Variants in TAF5 observed in about 807,000 individuals in gnomAD.
TAF5 encodes the protein TATA-box binding protein associated factor 5.
In TAF5, 20 loss-of-function variants were observed where a neutral mutation model predicts 80.9. That is an observed-to-expected ratio of 0.25 (90% CI 0.17 to 0.36). The LOEUF (loss-of-function observed/expected upper bound fraction) is 0.36, where lower values mean the gene tolerates loss of function less well. TAF5 is among the 10% of genes least tolerant of loss of function. The pLI is 1.00. For synonymous variants in TAF5, 388 were observed against 406.4 expected (o/e 0.95, Z 0.55); for missense variants, 863 against 1,029.4 (o/e 0.84, Z 2.21).
chr10:103,382,567 A>G (rs941448330), intron 6 of TAF5, among the ~76,000 whole-genome samples: 11 of 151,998 alleles, frequency 7.2e-5, no homozygotes, highest in African/African-American at 2.2e-4. Flanking sequence ...CCGGCCTGAA[A>G]TAAAGTTTTT....
Position 103,385,310 on chromosome 10 carries a change from C to CCT in TAF5, c.1665-15_1665-14dup. The CCT allele has an allele frequency of 6.3e-7, 1 of 1,593,402 alleles. No homozygotes were observed. The highest frequency in any genetic ancestry group is 8.6e-7 in the Non-Finnish European group (1 of 1,164,764). On this transcript the variant is annotated splice_polypyrimidine_tract_variant and intron_variant, in intron 7 of 10. Coordinates refer to ENST00000369839, the MANE Select transcript of TAF5 (RefSeq NM_006951.5). ...GTTACTCTGGGAGTCAAATATATCA[C>CCT]CTTCTCTTCTCTCAGGAACTATCTG...
intron 1 of TAF5, among the ~76,000 whole-genome samples, chr10:103,373,103 C>T (rs1459592890): frequency 6.7e-6 from 1 of 149,370 alleles, no homozygotes; most frequent in African/African-American, 2.5e-5. Flanking sequence ...CTTGGGAGGC[C>T]GAGGCAAGAC....
intron 1 of TAF5, 59 bp from the exon 2 acceptor site, chr10:103,373,299 G>T: frequency 1.4e-6 from 2 of 1,410,358 alleles, no homozygotes; most frequent in South Asian, 1.3e-5. Context: ...TAACAATACA[G>T]CCATAGTCAC....
chr10:103,377,589 C>CT (rs2093372760), intron 2 of TAF5, among the ~76,000 whole-genome samples: 1 of 152,026 alleles, frequency 6.6e-6, no homozygotes, highest in South Asian at 2.1e-4. Flanking sequence ...AGGCTAAAGG[C>CT]TTTATTTTAT....
chr10:103,382,584 C>T (rs2093385339), intron 6 of TAF5, among the ~76,000 whole-genome samples: 1 of 151,668 alleles, frequency 6.6e-6, no homozygotes, highest in Non-Finnish European at 1.5e-5. Context: ...TTTTTACTAA[C>T]TATATTATTT....
Position 103,368,057 on chromosome 10 carries a change from T to G in TAF5, c.68T>G (p.Leu23Arg). Residue 23 changes from leucine to arginine, a missense_variant, in exon 1 of 11, where the codon CTG (leucine) becomes CGG (arginine). Around this residue, in one of 3 missense-constraint regions of TAF5, gnomAD observed 367 missense variants for 335.5 expected, o/e 1.09. Transcript: ENST00000369839. Reference sequence around the variant, plus strand: ...CTAGAGCCTGAGGGACCGCCAACGCTGCTACCTCCGCAGGCGGGGGACGGC... The same window carrying G: ...CTAGAGCCTGAGGGACCGCCAACGCGGCTACCTCCGCAGGCGGGGGACGGC... The part of the protein sequence containing the change: ...VKLEPEGPPT[L>R]LPPQAGDGAG... 1 of 1,435,134 alleles carries G rather than the reference T, an allele frequency of 7.0e-7. No homozygotes were observed. The highest frequency in any genetic ancestry group is 9.1e-7 in the Non-Finnish European group (1 of 1,096,918). 88.9% of individuals were successfully genotyped at this position (1,435,134 alleles called of 1,614,324 possible). A position where few individuals can be genotyped will look rare whatever the true frequency, so the allele number is the denominator to read the frequency against.
At chr10:103,381,942 A>T (rs1049838338) in intron 6 of TAF5, 101 bp downstream of exon 6, 1 of 1,476,280 alleles carries the variant, frequency 6.8e-7, no homozygotes, top group Non-Finnish European at 9.3e-7. Flanking sequence ...ACAGAAATTC[A>T]CTTGATTTTA....
Position 103,368,144 on chromosome 10 carries a change from C to G in TAF5, c.155C>G (p.Ala52Gly). ...NGPNGGGGNV[A>G]ASSSTGGDGG... Reference sequence around the variant, plus strand: ...CCCAACGGCGGCGGCGGGAACGTTGCGGCGTCGTCGTCCACTGGCGGGGAT... The same window carrying G: ...CCCAACGGCGGCGGCGGGAACGTTGGGGCGTCGTCGTCCACTGGCGGGGAT... Residue 52 changes from alanine (A) to glycine (G), a missense_variant, in exon 1 of 11, where the codon GCG becomes GGG. Around this residue, in one of 3 missense-constraint regions of TAF5, gnomAD observed 367 missense variants for 335.5 expected, o/e 1.09. Coordinates refer to ENST00000369839, the MANE Select transcript of TAF5 (RefSeq NM_006951.5). The G allele has an allele frequency of 1.4e-6, 2 of 1,395,238 alleles. No homozygotes were observed. The highest frequency in any genetic ancestry group is 1.9e-6 in the Non-Finnish European group (2 of 1,074,720). 86.4% of individuals were successfully genotyped at this position (1,395,238 alleles called of 1,614,324 possible).
At chr10:103,381,941 C>A in intron 6 of TAF5, 100 bp downstream of exon 6, 1 of 1,498,218 alleles carries the variant, frequency 6.7e-7, no homozygotes, top group South Asian at 1.2e-5. Flanking sequence ...TACAGAAATT[C>A]ACTTGATTTT....
intron 5 of TAF5, among the ~76,000 whole-genome samples, chr10:103,380,418 G>A (rs1178955163): frequency 1.3e-5 from 2 of 151,970 alleles, no homozygotes; most frequent in Non-Finnish European, 1.5e-5. Flanking sequence ...ATGAGCCACC[G>A]CATGTGGCCC....
chr10:103,379,899 G>T lies in TAF5; in HGVS notation c.1293G>T (p.Glu431Asp), dbSNP rs1229520761. ...TCTTTCACAGAATCCCTCTTCCTGA[G>T]TTGAAAGATTCAGATAAGTTGGATA... ...APPQNRIPLPELKDSDKLDKI... is the reference protein window; with the variant it reads ...APPQNRIPLPDLKDSDKLDKI... The change falls in exon 5 of 11, where the codon GAG becomes GAT. Residue 431 changes from glutamate (E) to aspartate (D), a missense_variant. By Grantham distance (45) the Glu-to-Asp change is conservative. Transcript: ENST00000369839. 1.2e-6 allele frequency: 2 copies of T among 1,611,914 alleles called. No individual in the cohort carries two copies. Among genetic ancestry groups the T allele is most frequent in the South Asian group, 2.2e-5 (2 of 90,210 alleles).
At chr10:103,373,019 A>G (rs1240537738) in intron 1 of TAF5, among the ~76,000 whole-genome samples, 1 of 152,034 alleles carries the variant, frequency 6.6e-6, no homozygotes, top group African/African-American at 2.4e-5. Flanking sequence ...CCTGGCCAAC[A>G]TGGTGAAACC....
chr10:103,374,806 T>TG lies in TAF5; in HGVS notation c.797+1212dup, dbSNP rs2133626355. 6.6e-6 allele frequency among the ~76,000 whole-genome samples: 1 copy of TG among 152,334 alleles called. No homozygotes were observed. The highest frequency in any genetic ancestry group is 2.4e-5 in the African/African-American group (1 of 41,574). On this transcript the variant is annotated intron_variant, in intron 2 of 10. Coordinates refer to ENST00000369839, the MANE Select transcript of TAF5 (RefSeq NM_006951.5). The surrounding 1 kb of genome is among the most constrained non-coding windows in gnomAD (Gnocchi z 4.3). ...AGTGGTTCTCAACTGGAGGTGGAAT[T>TG]GCTCCTTCCACTAGACCATTTGAAA...
At chr10:103,375,104 AG>A (rs1402403828) in intron 2 of TAF5, among the ~76,000 whole-genome samples, 1 of 132,934 alleles carries the variant, frequency 7.5e-6, no homozygotes, top group Non-Finnish European at 1.6e-5. Flanking sequence ...AGATGACAAG[AG>A]TGAGACCCTG....
At chr10:103,380,117 C>A in intron 5 of TAF5, 98 bp downstream of exon 5, 1 of 1,316,514 alleles carries the variant, frequency 7.6e-7, no homozygotes, top group Non-Finnish European at 1.0e-6. Context: ...AATGGAGTTT[C>A]GTTATTTAAA....
chr10:103,379,931 T>G lies in TAF5; in HGVS notation c.1325T>G (p.Met442Arg). 1 of 1,614,030 alleles carries G rather than the reference T, an allele frequency of 6.2e-7. No homozygotes were observed. The highest frequency in any genetic ancestry group is 8.5e-7 in the Non-Finnish European group (1 of 1,179,998). Residue 442 changes from methionine (M) to arginine (R), a missense_variant, in exon 5 of 11, where the codon ATG (methionine) becomes AGG (arginine). Physicochemically the swap from Met to Arg is moderately conservative, Grantham distance 91 (BLOSUM62 -1). This residue lies in a region of TAF5 where 368 missense variants were observed against 461.7 expected (regional missense o/e 0.80). Transcript: ENST00000369839. ...LKDSDKLDKI[M>R]NMKETTKRVR... ...GATTCAGATAAGTTGGATAAGATAA[T>G]GAATATGAAAGAAACCACCAAACGA... is the stretch of plus-strand genomic sequence containing the variant.
Position 103,385,350 on chromosome 10 carries a change from G to C in TAF5, c.1689G>C (p.Glu563Asp). The C allele has an allele frequency of 3.7e-6, 6 of 1,612,946 alleles. No individual in the cohort carries two copies. The highest frequency in any genetic ancestry group is 5.1e-6 in the Non-Finnish European group (6 of 1,179,034). ...PDRNYLLSSS[E>D]DGTVRLWSLQ... ...GGAACTATCTGCTTTCCTCTTCAGA[G>C]GACGGAACTGTTAGATTGTGGAGCC... The change falls in exon 8 of 11, where the codon GAG (glutamate) becomes GAC (aspartate). Residue 563 changes from glutamate to aspartate, a missense_variant. This residue lies in a region of TAF5 where 368 missense variants were observed against 461.7 expected (regional missense o/e 0.80). Coordinates refer to ENST00000369839, the MANE Select transcript of TAF5 (RefSeq NM_006951.5).
At chr10:103,369,508 G>A (rs2093354189) in intron 1 of TAF5, among the ~76,000 whole-genome samples, 1 of 151,906 alleles carries the variant, frequency 6.6e-6, no homozygotes, top group African/African-American at 2.4e-5. Flanking sequence ...ACTGGCACGC[G>A]CCACCACGCC....
chr10:103,373,912 G>T (rs1280016659), intron 2 of TAF5, among the ~76,000 whole-genome samples: 1 of 152,176 alleles, frequency 6.6e-6, no homozygotes, highest in Non-Finnish European at 1.5e-5. Context: ...GGTAGGTACA[G>T]AGGCTGAAAG....
Sources: allele counts gnomAD v4.1 joint callset (sites outside exome capture counted in the v4.1 genomes callset), GRCh38; gene constraint gnomAD v4.1.1; regional missense constraint gnomAD v4.1.1; non-coding constraint Gnocchi (gnomAD v3.1); transcripts MANE v1.5; gene names NCBI Gene and HGNC (gene_info 2026-07-23, HGNC 2026-07-21).